MGMT: variants seen among roughly 807,000 people sequenced by gnomAD.
MGMT encodes O-6-methylguanine-DNA methyltransferase.
MGMT carries 14 observed loss-of-function variants against 15.9 expected under a neutral mutation model. That is an observed-to-expected ratio of 0.88 (90% CI 0.58 to 1.37). The LOEUF (loss-of-function observed/expected upper bound fraction) is 1.37. Among genes scored for constraint, MGMT ranks in the 40% most tolerant of loss-of-function variants. The pLI, the probability that MGMT is intolerant of heterozygous loss-of-function variation, is 0.00. For synonymous variants in MGMT, 130 were observed against 118.2 expected (o/e 1.10, Z -0.65); for missense variants, 282 against 268.1 (o/e 1.05, Z -0.36).
chr10:129,633,235 A>G (rs907663057), intron 2 of MGMT, among the ~76,000 whole-genome samples: 1 of 152,236 alleles, frequency 6.6e-6, no homozygotes, highest in Non-Finnish European at 1.5e-5. Context: ...AGCTTCTCTT[A>G]TCATGGTGGA....
intron 3 of MGMT, among the ~76,000 whole-genome samples, chr10:129,755,684 C>T (rs1008674404): frequency 9.9e-5 from 15 of 152,254 alleles, no homozygotes; most frequent in African/African-American, 3.6e-4. Context: ...AGCCTCAGTG[C>T]TTGTCGGAGC....
At chr10:129,737,123 A>G (rs1848572645) in intron 3 of MGMT, among the ~76,000 whole-genome samples, 1 of 152,020 alleles carries the variant, frequency 6.6e-6, no homozygotes, top group East Asian at 1.9e-4. Context: ...TAGATTGGGG[A>G]AGTTCTCCTG....
intron 2 of MGMT, among the ~76,000 whole-genome samples, chr10:129,687,710 T>TTTATAC (rs1847920792): frequency 6.6e-6 from 1 of 152,092 alleles, no homozygotes; most frequent in African/African-American, 2.4e-5. Context: ...TTTTTTTTTT[T>TTTATAC]TTTATACTTT....
At chr10:129,673,347 C>T (rs11016865) in intron 2 of MGMT, among the ~76,000 whole-genome samples, 21,484 of 152,184 alleles carry the variant, frequency 0.14, 1,586 homozygotes, top group East Asian at 0.28. Flanking sequence ...TTTCTGTCAG[C>T]CCTGCCCACC....
At chr10:129,651,812 G>A (rs1847461708) in intron 2 of MGMT, among the ~76,000 whole-genome samples, 1 of 152,170 alleles carries the variant, frequency 6.6e-6, no homozygotes, top group Non-Finnish European at 1.5e-5. Flanking sequence ...CTTCATTCGA[G>A]AGCATGTGCT....
intron 3 of MGMT, among the ~76,000 whole-genome samples, chr10:129,715,873 G>C (rs1204608732): frequency 6.6e-6 from 1 of 152,108 alleles, no homozygotes; most frequent in Non-Finnish European, 1.5e-5. Flanking sequence ...AGGCTGACTC[G>C]GAATATAAGA....
At position 129,770,453 on chromosome 10, in the gene MGMT, G is replaced by A. The variant is rs1317306586; in HGVS notation, c.*3456G>A. ...TCCCCTGACCTGGCCTACAAGGACAGAACAGCCCTGGGGGCCACGTCCCCT... is the reference window on the plus strand; with the variant it reads ...TCCCCTGACCTGGCCTACAAGGACAAAACAGCCCTGGGGGCCACGTCCCCT... On this transcript the variant is annotated 3_prime_UTR_variant, in exon 5 of 5. Transcript: ENST00000651593. 6.6e-6 allele frequency among the ~76,000 whole-genome samples: 1 copy of A among 152,210 alleles called. No homozygotes were observed. The highest frequency in any genetic ancestry group is 6.5e-5 in the Admixed American group (1 of 15,280).
intron 1 of MGMT, among the ~76,000 whole-genome samples, 166 bp from the exon 2 acceptor site, chr10:129,536,075 C>G (rs1263353350): frequency 1.3e-5 from 2 of 152,146 alleles, no homozygotes; most frequent in Non-Finnish European, 2.9e-5. Context: ...AATTTTCTGT[C>G]TTCAGAGTAA....
At chr10:129,628,022 C>T (rs999171014) in intron 2 of MGMT, among the ~76,000 whole-genome samples, 5 of 152,278 alleles carry the variant, frequency 3.3e-5, no homozygotes, top group Admixed American at 2.6e-4. Context: ...GTTTAAAACT[C>T]TAGCTGGTGA....
At chr10:129,644,561 C>A (rs1027604840) in intron 2 of MGMT, among the ~76,000 whole-genome samples, 2 of 152,018 alleles carry the variant, frequency 1.3e-5, no homozygotes, top group South Asian at 2.1e-4. Flanking sequence ...GGTTCCCCCC[C>A]TGAGGCCTGG....
At chr10:129,501,960 T>A (rs1457311267) in intron 1 of MGMT, among the ~76,000 whole-genome samples, 1 of 152,214 alleles carries the variant, frequency 6.6e-6, no homozygotes, top group African/African-American at 2.4e-5. Flanking sequence ...GGTAGATGTG[T>A]GTGCACACCA....
intron 1 of MGMT, among the ~76,000 whole-genome samples, chr10:129,501,383 G>A (rs12251275): frequency 0.28 from 42,443 of 152,066 alleles, 6,213 homozygotes; most frequent in African/African-American, 0.32. Context: ...TTTCAAGACC[G>A]AGAAAGTATT....
intron 1 of MGMT, among the ~76,000 whole-genome samples, chr10:129,502,924 A>G (rs1845589028): frequency 6.6e-6 from 1 of 152,198 alleles, no homozygotes; most frequent in South Asian, 2.1e-4. Flanking sequence ...CCAGAGAAGC[A>G]CTTTTTCTTT....
rs113351070 is a variant in MGMT, at chr10:129,661,154, T to A, written c.126-46741T>A. ...GCTTTCCGCAGCTGGTTCTGTATTA[T>A]GGATTACTGTAATTTATTAACTTTT... On this transcript the variant is annotated intron_variant, in intron 2 of 4. Coordinates refer to ENST00000651593, the MANE Select transcript of MGMT (RefSeq NM_002412.5). Among the ~76,000 whole-genome samples the A allele has an allele frequency of 7.8e-3, 1,193 of 152,340 alleles. 10 individuals carry two copies. The highest frequency in any genetic ancestry group is 0.017 in the Middle Eastern group (5 of 294).
intron 2 of MGMT, among the ~76,000 whole-genome samples, chr10:129,592,975 C>T (rs955308585): frequency 3.3e-5 from 5 of 152,172 alleles, no homozygotes; most frequent in Admixed American, 3.3e-4. Flanking sequence ...TTAGAGTCCT[C>T]ATGATGCTTA....
At chr10:129,489,603 G>A (rs919209633) in intron 1 of MGMT, among the ~76,000 whole-genome samples, 2 of 151,946 alleles carry the variant, frequency 1.3e-5, no homozygotes, top group Non-Finnish European at 2.9e-5. Flanking sequence ...AGGAATATGC[G>A]CTCTTGCACT....
intron 3 of MGMT, among the ~76,000 whole-genome samples, chr10:129,726,461 C>T (rs1468121287): frequency 6.6e-6 from 1 of 152,140 alleles, no homozygotes; most frequent in South Asian, 2.1e-4. Flanking sequence ...CTGCTGCCCA[C>T]GTGCCCTGAG....
intron 2 of MGMT, among the ~76,000 whole-genome samples, chr10:129,698,485 T>G (rs1848058378): frequency 6.6e-6 from 1 of 152,214 alleles, no homozygotes; most frequent in Non-Finnish European, 1.5e-5. Context: ...TCTTTAAAAG[T>G]TTATATCTTT....
At chr10:129,493,389 C>G (rs1779446851) in intron 1 of MGMT, among the ~76,000 whole-genome samples, 1 of 152,148 alleles carries the variant, frequency 6.6e-6, no homozygotes, top group Non-Finnish European at 1.5e-5. Context: ...CTGGCTTACT[C>G]TCCTTTTTCC....
Sources: gnomAD v4.1 joint callset for allele counts (sites outside exome capture counted in the v4.1 genomes callset) on GRCh38, gnomAD v4.1.1 for gene constraint, MANE v1.5 for transcripts, NCBI Gene and HGNC (gene_info 2026-07-23, HGNC 2026-07-21) for gene names.